Variants in CTNNA3 observed in about 807,000 individuals in gnomAD.
CTNNA3 encodes the protein catenin alpha-3.
Under a neutral mutation model 95.7 loss-of-function variants are expected in CTNNA3, and 76 were observed. The observed-to-expected ratio is 0.79, with a 90% CI of 0.66 to 0.96. The LOEUF is 0.96. Among genes scored for constraint, CTNNA3 ranks in the 40% least tolerant of loss-of-function variants. CTNNA3 has a pLI of 0.00. For missense variants in CTNNA3, 1,191 were observed against 1,089.8 expected (o/e 1.09, Z -1.31); for synonymous variants, 431 against 374.4 (o/e 1.15, Z -1.74).
chr10:67,188,620 T>A (rs1220589393), intron 6 of CTNNA3, among the ~76,000 whole-genome samples: 1 of 152,128 alleles, frequency 6.6e-6, no homozygotes, highest in African/African-American at 2.4e-5. Context: ...AACTATCATA[T>A]AATCAGCAAT....
intron 1 of CTNNA3, among the ~76,000 whole-genome samples, chr10:67,723,173 G>C (rs1370199044): frequency 1.3e-5 from 2 of 151,928 alleles, no homozygotes; most frequent in African/African-American, 4.8e-5. Flanking sequence ...TTTTAGTTGA[G>C]ATGGGGTTTT....
At chr10:66,942,548 GTCTC>G (rs67598003) in intron 7 of CTNNA3, among the ~76,000 whole-genome samples, 54,416 of 147,862 alleles carry the variant, frequency 0.37, 10,185 homozygotes, top group African/African-American at 0.41. Flanking sequence ...TTGCCATAAT[GTCTC>G]TCTCTCTCTC....
chr10:66,435,278 G>T lies in CTNNA3; in HGVS notation c.1532-55926C>A, dbSNP rs1019117074. 4.6e-5 allele frequency among the ~76,000 whole-genome samples: 7 copies of T among 151,990 alleles called. 1 individual carries two copies. The East Asian group carries it at 1.4e-3, about 29-fold the overall frequency. On this transcript the variant is annotated intron_variant, in intron 11 of 17. Transcript: ENST00000433211. ...TTGGCTGTGAATCTGTCTGGTCCTG[G>T]GCTTTTTTTTGGTTGGTAAGCTATT...
At chr10:66,283,409 T>C (rs768724952) in intron 12 of CTNNA3, among the ~76,000 whole-genome samples, 1 of 151,894 alleles carries the variant, frequency 6.6e-6, no homozygotes, top group Non-Finnish European at 1.5e-5. Context: ...CTGCTATTAT[T>C]GATACAGTTC....
intron 7 of CTNNA3, among the ~76,000 whole-genome samples, chr10:66,996,649 CAAAAA>C (rs57025097): frequency 3.0e-5 from 2 of 67,644 alleles, no homozygotes; most frequent in East Asian, 6.5e-4. Context: ...TCCGTCTCTA[CAAAAA>C]AAAAAAAAAA....
intron 10 of CTNNA3, among the ~76,000 whole-genome samples, chr10:66,620,582 T>C (rs1471984434): frequency 6.6e-6 from 1 of 152,024 alleles, no homozygotes; most frequent in African/African-American, 2.4e-5. Context: ...ACTTAAAGAG[T>C]GTTGATGGGA....
At chr10:67,429,057 T>G (rs746264124) in intron 5 of CTNNA3, among the ~76,000 whole-genome samples, 6 of 152,044 alleles carry the variant, frequency 3.9e-5, no homozygotes, top group Non-Finnish European at 7.4e-5. Flanking sequence ...AATAATATAC[T>G]TCTTCCAGAA....
At chr10:67,624,787 C>T (rs948040209) in intron 2 of CTNNA3, among the ~76,000 whole-genome samples, 1 of 152,168 alleles carries the variant, frequency 6.6e-6, no homozygotes, top group South Asian at 2.1e-4. Context: ...TCTGCATAAT[C>T]TGGTCAAGCA....
intron 5 of CTNNA3, among the ~76,000 whole-genome samples, chr10:67,354,985 C>A (rs1316809058): frequency 6.6e-6 from 1 of 151,860 alleles, no homozygotes; most frequent in Non-Finnish European, 1.5e-5. Flanking sequence ...GACCCATAAA[C>A]CTACCATAGA....
chr10:67,724,973 T>C (rs1414934050), intron 1 of CTNNA3, among the ~76,000 whole-genome samples: 2 of 152,072 alleles, frequency 1.3e-5, no homozygotes, highest in Non-Finnish European at 2.9e-5. Flanking sequence ...CAAATTCTTA[T>C]TACATTTTAT....
At chr10:66,906,016 A>G (rs1330177515) in intron 7 of CTNNA3, among the ~76,000 whole-genome samples, 1 of 152,214 alleles carries the variant, frequency 6.6e-6, no homozygotes, top group African/African-American at 2.4e-5. Context: ...ATTTTAATAA[A>G]AACTTTAGAA....
At chr10:66,185,945 A>T (rs900546941) in intron 13 of CTNNA3, among the ~76,000 whole-genome samples, 1 of 151,934 alleles carries the variant, frequency 6.6e-6, no homozygotes, top group African/African-American at 2.4e-5. Context: ...CTCTATATAT[A>T]TATACACATA....
chr10:66,885,456 T>C (rs1845008615), intron 7 of CTNNA3, among the ~76,000 whole-genome samples: 1 of 152,140 alleles, frequency 6.6e-6, no homozygotes, highest in Admixed American at 6.6e-5. Context: ...TGAGATTCCA[T>C]TATTCGCTCT....
intron 13 of CTNNA3, among the ~76,000 whole-genome samples, chr10:66,271,404 A>T (rs1053130835): frequency 6.6e-6 from 1 of 152,226 alleles, no homozygotes; most frequent in Non-Finnish European, 1.5e-5. Context: ...GCATTCCTTA[A>T]GAGTTTTTAG....
At chr10:67,620,260 G>T (rs1328457132) in intron 2 of CTNNA3, among the ~76,000 whole-genome samples, 1 of 152,062 alleles carries the variant, frequency 6.6e-6, no homozygotes, top group African/African-American at 2.4e-5. Flanking sequence ...AATGCACAGA[G>T]GTGCCCACAA....
At chr10:67,106,783 G>T (rs1858658802) in intron 7 of CTNNA3, among the ~76,000 whole-genome samples, 1 of 152,032 alleles carries the variant, frequency 6.6e-6, no homozygotes, top group Non-Finnish European at 1.5e-5. Flanking sequence ...CCTATTTAAG[G>T]CTATCACTGA....
At chr10:67,149,540 G>A (rs1226459313) in intron 7 of CTNNA3, among the ~76,000 whole-genome samples, 1 of 152,242 alleles carries the variant, frequency 6.6e-6, no homozygotes, top group Admixed American at 6.5e-5. Context: ...AGCCGAGATT[G>A]CGCCACTGCA....
chr10:67,012,114 T>A (rs539073253), intron 7 of CTNNA3, among the ~76,000 whole-genome samples: 1 of 152,372 alleles, frequency 6.6e-6, no homozygotes, highest in South Asian at 2.1e-4. Flanking sequence ...TCTCTGGCTC[T>A]GGAGTCTACA....
At chr10:67,415,941 C>T (rs1270098272) in intron 5 of CTNNA3, among the ~76,000 whole-genome samples, 2 of 152,132 alleles carry the variant, frequency 1.3e-5, no homozygotes, top group Non-Finnish European at 1.5e-5. Context: ...ACTGGCTAGC[C>T]ATATGCAGAA....
Sources: gnomAD v4.1 joint callset for allele counts (sites outside exome capture counted in the v4.1 genomes callset) on GRCh38, gnomAD v4.1.1 for gene constraint, MANE v1.5 for transcripts, NCBI Gene and HGNC (gene_info 2026-07-23, HGNC 2026-07-21) for gene names.